Variants in APBA1 observed in about 807,000 individuals in gnomAD.
The protein encoded by APBA1 is amyloid-beta A4 precursor protein-binding family A member 1.
In APBA1, 55 loss-of-function variants were observed where a neutral mutation model predicts 86.6. The ratio of observed to expected loss-of-function variants is 0.64; its 90% CI spans 0.51 to 0.80. The LOEUF is 0.80. Among genes scored for constraint, APBA1 ranks in the 30% least tolerant of loss-of-function variants. The pLI, the probability that APBA1 is intolerant of heterozygous loss-of-function variation, is 0.00. For missense variants in APBA1, 1,090 were observed against 1,183.0 expected (o/e 0.92, Z 1.15); for synonymous variants, 511 against 493.9 (o/e 1.03, Z -0.46).
rs1395014336 is a variant in APBA1 at position 69,510,765 on chromosome 9, C to A, written c.1200+5246G>T. On this transcript the variant is annotated intron_variant, in intron 2 of 12. Coordinates refer to ENST00000265381, the MANE Select transcript of APBA1 (RefSeq NM_001163.4). ...CAGAACAGAGCCCTCAGAAATAACGCCGCATATCTACAACTATCTGATCTT... is the reference window on the plus strand; with the variant it reads ...CAGAACAGAGCCCTCAGAAATAACGACGCATATCTACAACTATCTGATCTT... Among the ~76,000 whole-genome samples, 19 of 146,012 alleles carry A rather than the reference C, an allele frequency of 1.3e-4. No individual in the cohort carries two copies. In the East Asian group the frequency reaches 3.7e-3, roughly 29 times the overall value.
rs182726424 is a variant in APBA1 at position 69,552,331 on chromosome 9, C to T, written c.-69-35052G>A. ...TTTTCTGTTCAAGTATTAGAAAACA[C>T]GTACCACAGAGCGAATGGAGAGTAA... On this transcript the variant is annotated intron_variant, in intron 1 of 12. Transcript: ENST00000265381. 1.1e-4 allele frequency among the ~76,000 whole-genome samples: 16 copies of T among 152,308 alleles called. No homozygotes were observed. The East Asian group carries it at 2.9e-3, about 28-fold the overall frequency.
At chr9:69,574,527 C>T (rs1278990965) in intron 1 of APBA1, among the ~76,000 whole-genome samples, 2 of 152,098 alleles carry the variant, frequency 1.3e-5, no homozygotes, top group African/African-American at 4.8e-5. Flanking sequence ...ATGTACTGAT[C>T]TCTTTTTGGA....
intron 3 of APBA1, among the ~76,000 whole-genome samples, chr9:69,474,031 C>T (rs888760205): frequency 6.6e-6 from 1 of 152,106 alleles, no homozygotes. Flanking sequence ...GTCTGGTTAG[C>T]CCTTTATTTC....
chr9:69,538,186 G>A (rs1463264322), intron 1 of APBA1, among the ~76,000 whole-genome samples: 2 of 152,184 alleles, frequency 1.3e-5, no homozygotes, highest in African/African-American at 2.4e-5. Flanking sequence ...CCACTTGCAT[G>A]GGCAGGAAAT....
chr9:69,640,025 T>C (rs1489393971), intron 1 of APBA1, among the ~76,000 whole-genome samples: 1 of 152,098 alleles, frequency 6.6e-6, no homozygotes, highest in East Asian at 1.9e-4. Flanking sequence ...GACTAAACTT[T>C]AGGGATAAAG....
At chr9:69,658,276 C>CTT (rs754704287) in intron 1 of APBA1, among the ~76,000 whole-genome samples, 19,151 of 79,150 alleles carry the variant, frequency 0.24, 2,367 homozygotes, top group South Asian at 0.31. Context: ...TTCTTTCTTT[C>CTT]TTTCTTTCTC....
chr9:69,472,945 T>C (rs1835388057), intron 3 of APBA1, among the ~76,000 whole-genome samples: 1 of 152,210 alleles, frequency 6.6e-6, no homozygotes, highest in African/African-American at 2.4e-5. Flanking sequence ...AGAAACCTAG[T>C]TGTAAGACTC....
chr9:69,433,337 CTT>C (rs2133781320), intron 11 of APBA1, among the ~76,000 whole-genome samples: 1 of 152,364 alleles, frequency 6.6e-6, no homozygotes, highest in African/African-American at 2.4e-5. Context: ...TACAACATAA[CTT>C]TTCCCAAAAG....
At chr9:69,602,106 C>T (rs572237234) in intron 1 of APBA1, among the ~76,000 whole-genome samples, 1 of 152,118 alleles carries the variant, frequency 6.6e-6, no homozygotes, top group East Asian at 1.9e-4. Context: ...TTTATTAATC[C>T]CTTCTTTTTT....
chr9:69,432,114 AC>A (rs1327047344), intron 12 of APBA1, among the ~76,000 whole-genome samples: 13 of 152,388 alleles, frequency 8.5e-5, no homozygotes, highest in African/African-American at 3.1e-4. Context: ...GACAGTAATG[AC>A]ACGTCATGCC....
chr9:69,653,619 A>G (rs959958759), intron 1 of APBA1, among the ~76,000 whole-genome samples: 1 of 152,234 alleles, frequency 6.6e-6, no homozygotes, highest in African/African-American at 2.4e-5. Flanking sequence ...TCTGATCACA[A>G]TGGAACAAAA....
intron 2 of APBA1, among the ~76,000 whole-genome samples, chr9:69,494,885 T>C (rs1835771551): frequency 6.6e-6 from 1 of 152,152 alleles, no homozygotes; most frequent in South Asian, 2.1e-4. Flanking sequence ...AAGGGTACAT[T>C]ATACTCATTA....
chr9:69,543,160 A>C (rs777833113), intron 1 of APBA1, among the ~76,000 whole-genome samples: 2 of 152,232 alleles, frequency 1.3e-5, no homozygotes, highest in Non-Finnish European at 2.9e-5. Context: ...ACAGACTGGC[A>C]GGCCTGGGAG....
At chr9:69,629,556 C>T (rs1363315446) in intron 1 of APBA1, among the ~76,000 whole-genome samples, 4 of 152,034 alleles carry the variant, frequency 2.6e-5, no homozygotes, top group African/African-American at 9.7e-5. Flanking sequence ...CAGAAATTTC[C>T]AGAGGGACAA....
chr9:69,449,488 T>C, intron 10 of APBA1, 96 bp downstream of exon 10: 3 of 1,162,592 alleles, frequency 2.6e-6, no homozygotes, highest in Non-Finnish European at 3.8e-6. Context: ...GCCTGACACT[T>C]TGAATATGTT....
At chr9:69,645,175 G>A (rs1057394342) in intron 1 of APBA1, among the ~76,000 whole-genome samples, 2 of 152,094 alleles carry the variant, frequency 1.3e-5, no homozygotes, top group Non-Finnish European at 2.9e-5. Context: ...TTAGTCGAGG[G>A]GTTGAATAAG....
rs150808843 is a variant in APBA1 at position 69,625,644 on chromosome 9, A to G, written c.-70+46509T>C. ...CCACTCACAGACTCAATTAGTTTAA[A>G]TCACTGTCCTCTGCTGGGCTAATTT... On this transcript the variant is annotated intron_variant, in intron 1 of 12. Transcript: ENST00000265381. Among the ~76,000 whole-genome samples, 1,013 of 152,286 alleles carry G rather than the reference A, an allele frequency of 6.7e-3. 11 individuals are homozygous for G. Among genetic ancestry groups the G allele is most frequent in the Non-Finnish European group, 9.1e-3 (622 of 68,028 alleles).
At chr9:69,533,171 A>G (rs1208647051) in intron 1 of APBA1, among the ~76,000 whole-genome samples, 1 of 152,192 alleles carries the variant, frequency 6.6e-6, no homozygotes, top group Non-Finnish European at 1.5e-5. Flanking sequence ...CTGTGTATGT[A>G]TGATGGAGGG....
chr9:69,498,665 G>A (rs781247789), intron 2 of APBA1, among the ~76,000 whole-genome samples: 3 of 152,072 alleles, frequency 2.0e-5, no homozygotes, highest in Non-Finnish European at 2.9e-5. Flanking sequence ...TGCACAGTGC[G>A]TGATCTATAG....
Sources: gnomAD v4.1 joint callset for allele counts (sites outside exome capture counted in the v4.1 genomes callset) on GRCh38, gnomAD v4.1.1 for gene constraint, MANE v1.5 for transcripts, NCBI Gene and HGNC (gene_info 2026-07-23, HGNC 2026-07-21) for gene names.